PLEKHA4: variants seen among roughly 807,000 people sequenced by gnomAD.
PLEKHA4 encodes the protein pleckstrin homology domain containing A4, also known as pleckstrin homology domain-containing family A member 4.
A neutral mutation model predicts 94.7 loss-of-function variants in PLEKHA4; 73 were observed. The observed-to-expected ratio is 0.77, with a 90% CI of 0.64 to 0.94. PLEKHA4 has a LOEUF of 0.94. PLEKHA4 is among the 40% of genes least tolerant of loss of function. The pLI, the probability that PLEKHA4 is intolerant of heterozygous loss-of-function variation, is 0.00. For synonymous variants in PLEKHA4, 449 were observed against 437.1 expected, an observed-to-expected ratio of 1.03 and a Z score of -0.34; for missense variants, 1,049 against 1,054.1, an observed-to-expected ratio of 1.00 and a Z score of 0.07.
rs1599917999 is a variant in PLEKHA4, at chr19:48,858,959, G to A, written c.873C>T (p.Leu291=). The A allele has an allele frequency of 1.9e-6, 3 of 1,594,118 alleles. No homozygotes were observed. Among genetic ancestry groups the A allele is most frequent in the Admixed American group, 1.9e-5 (1 of 53,160 alleles). The change falls in exon 8 of 20, where the codon CTC becomes CTT. Residue 291 remains leucine (L), a synonymous_variant. Coordinates refer to ENST00000263265, the MANE Select transcript of PLEKHA4 (RefSeq NM_020904.3). ...CTCGGCGGGGAGTAGGGGGTCGGGAGAGGGTCTGGCGTTGGGGGCCCCAAT... is the reference window on the plus strand; with the variant it reads ...CTCGGCGGGGAGTAGGGGGTCGGGAAAGGGTCTGGCGTTGGGGGCCCCAAT... The part of the protein sequence containing the change: ...PLDWGPQRQT[L]SRPPTPRRGP...
At chr19:48,841,038 A>T in intron 17 of PLEKHA4, 111 bp downstream of exon 17, 1 of 1,131,494 alleles carries the variant, frequency 8.8e-7, no homozygotes, top group Non-Finnish European at 1.2e-6. Context: ...TCGGAAATCC[A>T]GTTTGGAGGA....
chr19:48,867,426 G>A lies in PLEKHA4; in HGVS notation c.84+111C>T. ...ATTTGGGACCTTACTATGTCTGGCA[G>A]ACCCCGTTGCTAAGGATCTTTGTCC... is the stretch of plus-strand genomic sequence containing the variant. On this transcript the variant is annotated intron_variant, in intron 2 of 19. Coordinates refer to ENST00000263265, the MANE Select transcript of PLEKHA4 (RefSeq NM_020904.3). This position sits in a 1 kb window ranked among gnomAD's most constrained non-coding sequence, Gnocchi z 4.7. 7.9e-7 allele frequency: 1 copy of A among 1,269,796 alleles called. No individual in the cohort carries two copies. The highest frequency in any genetic ancestry group is 1.4e-5 in the South Asian group (1 of 73,334). 78.7% of individuals were successfully genotyped at this position (1,269,796 alleles called of 1,614,324 possible). A position where few individuals can be genotyped will look rare whatever the true frequency, so the allele number is the denominator to read the frequency against.
At position 48,859,059 on chromosome 19, in the gene PLEKHA4, G is replaced by A. The variant is rs1443034756; in HGVS notation, c.773C>T (p.Ala258Val). Residue 258 changes from alanine (A) to valine (V), a missense_variant, in exon 8 of 20, where the codon GCC (alanine) becomes GTC (valine). Transcript: ENST00000263265. ...AGGGGGTGCTGTGTCTCCTGAGGGG[G>A]CAGGGGGTCGCCGCGCAGGGGCAGA... is the stretch of plus-strand genomic sequence containing the variant. ...PRSAPARRPP[A>V]PSGDTAPPAR... is the part of the protein sequence containing the mutation. The A allele has an allele frequency of 4.5e-5, 64 of 1,437,110 alleles. No homozygotes were observed. Among genetic ancestry groups the A allele is most frequent in the Middle Eastern group, 1.9e-4 (1 of 5,232 alleles). The allele number at this position is 1,437,110 out of a possible 1,614,324, so 89.0% of individuals were successfully genotyped here.
In PLEKHA4 at chr19:48,837,422, C is replaced by T. The variant is rs764374160; in HGVS notation, c.2207G>A (p.Arg736His). Reference sequence around the variant, plus strand: ...ACCTCCTCCACGCCCACTCCCTCGGCGAGAGAACCCCGTGGAACCCGAATT... The same window carrying T: ...ACCTCCTCCACGCCCACTCCCTCGGTGAGAGAACCCCGTGGAACCCGAATT... ...VANSGSTGFS[R>H]RGSGRGGGPT... Residue 736 changes from arginine (R) to histidine (H), a missense_variant, in exon 20 of 20, where the codon CGC (arginine) becomes CAC (histidine). Coordinates refer to ENST00000263265, the MANE Select transcript of PLEKHA4 (RefSeq NM_020904.3). This position sits in a 1 kb window ranked among gnomAD's most constrained non-coding sequence, Gnocchi z 4.3. 1.2e-6 allele frequency: 2 copies of T among 1,613,320 alleles called. No homozygotes were observed. The highest frequency in any genetic ancestry group is 2.2e-5 in the East Asian group (1 of 44,868).
Position 48,853,832 on chromosome 19 carries a change from C to G in PLEKHA4, c.1177-1G>C. On this transcript the variant is annotated splice_acceptor_variant, in intron 11 of 19. Coordinates refer to ENST00000263265, the MANE Select transcript of PLEKHA4 (RefSeq NM_020904.3). LOFTEE classifies it high-confidence loss of function. ...ACTCCAGAGCTGCTTCTAGTTGCTCCTGCACCAAGACAGAAGGTGGTTAGA... is the reference window on the plus strand; with the variant it reads ...ACTCCAGAGCTGCTTCTAGTTGCTCGTGCACCAAGACAGAAGGTGGTTAGA... 6.2e-7 allele frequency: 1 copy of G among 1,604,696 alleles called. No homozygotes were observed. Among genetic ancestry groups the G allele is most frequent in the Non-Finnish European group, 8.5e-7 (1 of 1,175,406 alleles).
At chr19:48,859,804 T>C in intron 6 of PLEKHA4, 120 bp from the exon 7 acceptor site, 3 of 876,982 alleles carry the variant, frequency 3.4e-6, no homozygotes, top group South Asian at 3.1e-5. Flanking sequence ...CTATAAATCA[T>C]CGTCCCCCTT....
rs191229078 is a variant in PLEKHA4, at chr19:48,866,367, C to A, written c.85-757G>T. ...TGTCCCCCAGGCTGGAGCACACTGGCACCATCTTGGCTCACTGCAACCCCT... is the reference window on the plus strand; with the variant it reads ...TGTCCCCCAGGCTGGAGCACACTGGAACCATCTTGGCTCACTGCAACCCCT... On this transcript the variant is annotated intron_variant, in intron 2 of 19. Coordinates refer to ENST00000263265, the MANE Select transcript of PLEKHA4 (RefSeq NM_020904.3). Among the ~76,000 whole-genome samples the A allele has an allele frequency of 3.1e-3, 473 of 152,190 alleles. 3 individuals carry two copies. The highest frequency in any genetic ancestry group is 5.4e-3 in the South Asian group (26 of 4,826).
At chr19:48,858,815 G>A (rs746113931) in intron 8 of PLEKHA4, 45 bp downstream of exon 8, 13 of 1,607,940 alleles carry the variant, frequency 8.1e-6, no homozygotes, top group Admixed American at 1.7e-5. Flanking sequence ...CAGCCCTGAG[G>A]CCTGATGGGA....
chr19:48,851,182 A>G (rs886417676), intron 13 of PLEKHA4, among the ~76,000 whole-genome samples: 5 of 152,264 alleles, frequency 3.3e-5, no homozygotes, highest in East Asian at 3.9e-4. Context: ...GATTGTTTGT[A>G]ACACAAAAGA....
chr19:48,838,276 A>T, intron 18 of PLEKHA4, 147 bp from the exon 19 acceptor site: 3 of 513,712 alleles, frequency 5.8e-6, no homozygotes, highest in Non-Finnish European at 1.1e-5. Flanking sequence ...ATTTAATTGT[A>T]CATTTTTAAA....
intron 8 of PLEKHA4, among the ~76,000 whole-genome samples, chr19:48,857,808 A>G (rs28592161): frequency 2.7e-5 from 4 of 150,432 alleles, no homozygotes; most frequent in African/African-American, 4.9e-5. Context: ...GCCTAGGAAA[A>G]CCAGAGACCT....
chr19:48,841,778 G>C (rs1188792977), intron 16 of PLEKHA4, among the ~76,000 whole-genome samples: 1 of 151,976 alleles, frequency 6.6e-6, no homozygotes, highest in African/African-American at 2.4e-5. Flanking sequence ...AACATAGCAA[G>C]ACCCCATCTC....
chr19:48,845,496 C>T (rs764462079), intron 15 of PLEKHA4, 21 bp downstream of exon 15: 1 of 1,613,232 alleles, frequency 6.2e-7, no homozygotes, highest in Non-Finnish European at 8.5e-7. Context: ...CCGTAAAGTC[C>T]CACCCAACCA....
At chr19:48,853,554 A>T in intron 12 of PLEKHA4, 128 bp downstream of exon 12, 1 of 1,020,484 alleles carries the variant, frequency 9.8e-7, no homozygotes, top group Non-Finnish European at 1.3e-6. Context: ...GAGAAAAAAT[A>T]ATAAAATTTG....
intron 16 of PLEKHA4, chr19:48,844,396 C>G (rs2035887898): frequency 3.6e-5 from 33 of 915,200 alleles, no homozygotes; most frequent in Non-Finnish European, 4.3e-5. Context: ...CTCAAGTGAT[C>G]TGCCTGCCTC....
At chr19:48,841,812 G>A (rs994269450) in intron 16 of PLEKHA4, among the ~76,000 whole-genome samples, 1 of 152,104 alleles carries the variant, frequency 6.6e-6, no homozygotes, top group African/African-American at 2.4e-5. Flanking sequence ...CTTGTTAGAT[G>A]TGGTGGTGGA....
intron 9 of PLEKHA4, among the ~76,000 whole-genome samples, chr19:48,854,702 T>C (rs1337663664): frequency 1.5e-5 from 2 of 133,214 alleles, no homozygotes; most frequent in African/African-American, 2.9e-5. Context: ...TGGCCTTTTT[T>C]TTTTTTTTTT....
Position 48,837,236 on chromosome 19 carries a change from G to A in PLEKHA4, c.*53C>T, listed in dbSNP as rs2035558932. On this transcript the variant is annotated 3_prime_UTR_variant, in exon 20 of 20. Transcript: ENST00000263265. The surrounding 1 kb of genome is among the most constrained non-coding windows in gnomAD (Gnocchi z 4.3). ...CCCTGAGTGGTCCCAGATCTCCGGC[G>A]GTACCTCCAGACCACGTCCTCGCGC... 2 of 1,612,888 alleles carry A rather than the reference G, an allele frequency of 1.2e-6. No individual in the cohort carries two copies. Among genetic ancestry groups the A allele is most frequent in the Admixed American group, 3.3e-5 (2 of 59,976 alleles).
chr19:48,856,713 G>C (rs990833062), intron 9 of PLEKHA4, among the ~76,000 whole-genome samples: 3 of 150,864 alleles, frequency 2.0e-5, no homozygotes, highest in African/African-American at 4.9e-5. Flanking sequence ...GCGAGACTCT[G>C]TCTCAAGAAA....
Sources: allele counts gnomAD v4.1 joint callset (sites outside exome capture counted in the v4.1 genomes callset), GRCh38; gene constraint gnomAD v4.1.1; non-coding constraint Gnocchi (gnomAD v3.1); transcripts MANE v1.5; gene names NCBI Gene and HGNC (gene_info 2026-07-23, HGNC 2026-07-21).